The following TSPAN32 variants were observed in gnomAD, a reference collection of about 807,000 sequenced individuals.
The protein encoded by TSPAN32 is tetraspanin 32.
In TSPAN32, 47 loss-of-function variants were observed where a neutral mutation model predicts 42.7. The observed-to-expected ratio is 1.10, with a 90% CI of 0.87 to 1.40. The LOEUF is 1.40. Among genes scored for constraint, TSPAN32 ranks in the 40% most tolerant of loss-of-function variants. The pLI, the probability that TSPAN32 is intolerant of heterozygous loss-of-function variation, is 0.00. For missense variants in TSPAN32, 469 were observed against 424.1 expected (o/e 1.11, Z -0.93); for synonymous variants, 175 against 175.9 (o/e 0.99, Z 0.04).
chr11:2,313,669 C>A lies in TSPAN32; in HGVS notation c.370C>A (p.Leu124Met). Reference protein sequence around the residue: ...HSPTQVEDAMLDTYDLVYEQA... With the variant: ...HSPTQVEDAMMDTYDLVYEQA... ...CTCGGTGCAGGTGGAGGACGCCATG[C>A]TGGACACCTACGACCTGGTATATGA... is the stretch of plus-strand genomic sequence containing the variant. The change falls in exon 5 of 10, where the codon CTG becomes ATG. Residue 124 changes from leucine (L) to methionine (M), a missense_variant. Transcript: ENST00000182290. This position sits in a 1 kb window ranked among gnomAD's most constrained non-coding sequence, Gnocchi z 9.1. 1.9e-6 allele frequency: 3 copies of A among 1,607,026 alleles called. No individual in the cohort carries two copies. The highest frequency in any genetic ancestry group is 2.5e-6 in the Non-Finnish European group (3 of 1,177,374).
chr11:2,302,935 C>T lies in TSPAN32; in HGVS notation c.158C>T (p.Pro53Leu), dbSNP rs377338457. The T allele has an allele frequency of 2.3e-5, 37 of 1,613,594 alleles. No individual in the cohort carries two copies. Among genetic ancestry groups the T allele is most frequent in the East Asian group, 6.7e-5 (3 of 44,876 alleles). ...CGCCGAGCGTCCCTGGAGAAGAACC[C>T]GTACCAGGCTGTGCACCAATGGGGT... The part of the protein sequence containing the change: ...VIRRASLEKN[P>L]YQAVHQWAFS... Residue 53 changes from proline to leucine, a missense_variant, in exon 2 of 10, where the codon CCG (proline) becomes CTG (leucine). Transcript: ENST00000182290.
In TSPAN32 at chr11:2,313,306, G is replaced by C. The variant is rs528176585; in HGVS notation, c.355-348G>C. 6.6e-6 allele frequency among the ~76,000 whole-genome samples: 1 copy of C among 152,142 alleles called. No individual in the cohort carries two copies. The highest frequency in any genetic ancestry group is 2.4e-5 in the African/African-American group (1 of 41,432). On this transcript the variant is annotated intron_variant, in intron 4 of 9. Transcript: ENST00000182290. The surrounding 1 kb of genome is among the most constrained non-coding windows in gnomAD (Gnocchi z 9.1). ...AGGCCCAGCCCCATCCCCCATTTCC[G>C]GGTCAACAGTAGCGTGCTGGAAACT...
chr11:2,306,289 C>T (rs935277575), intron 3 of TSPAN32, among the ~76,000 whole-genome samples: 3 of 152,298 alleles, frequency 2.0e-5, no homozygotes, highest in South Asian at 2.1e-4. Flanking sequence ...TCCGGCCTCT[C>T]CCCTAGCTGG....
chr11:2,305,376 C>G (rs887686230), intron 3 of TSPAN32, among the ~76,000 whole-genome samples: 2 of 150,340 alleles, frequency 1.3e-5, no homozygotes, highest in Admixed American at 1.3e-4. Flanking sequence ...GTCTGCCCCC[C>G]CCCCCAGAGG....
chr11:2,317,743 C>A lies in TSPAN32; in HGVS notation c.902-120C>A. 1 of 1,523,362 alleles carries A rather than the reference C, an allele frequency of 6.6e-7. No homozygotes were observed. Among genetic ancestry groups the A allele is most frequent in the Non-Finnish European group, 8.7e-7 (1 of 1,143,888 alleles). The allele number at this position is 1,523,362 out of a possible 1,614,324, so 94.4% of individuals were successfully genotyped here. On this transcript the variant is annotated intron_variant, in intron 9 of 9. Transcript: ENST00000182290. The surrounding 1 kb of genome is among the most constrained non-coding windows in gnomAD (Gnocchi z 6.2). ...CAGCAGCCCAGGGCAGACTGCAAGA[C>A]ACTGGTGGCCCACGGCCTGGAGGGC...
At chr11:2,306,525 C>G (rs537397562) in intron 3 of TSPAN32, among the ~76,000 whole-genome samples, 1 of 150,288 alleles carries the variant, frequency 6.7e-6, no homozygotes, top group Non-Finnish European at 1.5e-5. Context: ...CCTCTCTGCG[C>G]GGGAGGTTGG....
At position 2,316,796 on chromosome 11, in the gene TSPAN32, G is replaced by A. The variant is rs111991784; in HGVS notation, c.719+129G>A. The A allele has an allele frequency of 1.5e-5, 15 of 1,030,162 alleles. 1 individual carries two copies. In the South Asian group the frequency reaches 1.6e-4, roughly 11 times the overall value. The allele number at this position is 1,030,162 out of a possible 1,614,324, so 63.8% of individuals were successfully genotyped here. A position where few individuals can be genotyped will look rare whatever the true frequency, so the allele number is the denominator to read the frequency against. ...CCCAGGCTGACACTGTAGAGGAAAC[G>A]CTTTGGGGGTGGCTGAGCACCAGGG... On this transcript the variant is annotated intron_variant, in intron 8 of 9. Transcript: ENST00000182290.
chr11:2,312,469 T>C (rs1487005061), intron 4 of TSPAN32, among the ~76,000 whole-genome samples: 1 of 152,184 alleles, frequency 6.6e-6, no homozygotes, highest in East Asian at 1.9e-4. Context: ...CGGGGATGAC[T>C]CACGGAGAGT....
At chr11:2,309,264 G>A in intron 4 of TSPAN32, 1 of 447,556 alleles carries the variant, frequency 2.2e-6, no homozygotes, top group South Asian at 1.6e-5. Context: ...CAGTGGGGAA[G>A]GGACCTGGAG....
chr11:2,302,212 C>T lies in TSPAN32; in HGVS notation c.63C>T (p.Ile21=). ...KCQMLVTCFF[I]LLLGLSVATM... ...AGATGCTGGTCACCTGCTTCTTTATCTTGGTAACAGGCAGGTCGGGCAGGA... is the reference window on the plus strand; with the variant it reads ...AGATGCTGGTCACCTGCTTCTTTATTTTGGTAACAGGCAGGTCGGGCAGGA... The change falls in exon 1 of 10, where the codon ATC becomes ATT. Residue 21 remains isoleucine (I), a synonymous_variant. Transcript: ENST00000182290. The T allele has an allele frequency of 7.2e-7, 1 of 1,391,862 alleles. No homozygotes were observed. Among genetic ancestry groups the T allele is most frequent in the Non-Finnish European group, 9.4e-7 (1 of 1,067,854 alleles). The allele number at this position is 1,391,862 out of a possible 1,614,324, so 86.2% of individuals were successfully genotyped here.
Position 2,313,748 on chromosome 11 carries a change from A to C in TSPAN32, c.449A>C (p.Gln150Pro), listed in dbSNP as rs1372927242. ...CGGCGGCAGGAGCTGGCGGCCATCC[A>C]GGACGTGGTGAGCGTGGGGACGGCT... ...HVRRQELAAIQDVFLCCGKKS... is the reference protein window; with the variant it reads ...HVRRQELAAIPDVFLCCGKKS... Residue 150 changes from glutamine to proline, a missense_variant, in exon 5 of 10, where the codon CAG (glutamine) becomes CCG (proline). Gln to Pro is a moderately conservative substitution (Grantham distance 76). Transcript: ENST00000182290. The surrounding 1 kb of genome is among the most constrained non-coding windows in gnomAD (Gnocchi z 9.1). 1 of 1,596,548 alleles carries C rather than the reference A, an allele frequency of 6.3e-7. No individual in the cohort carries two copies. Among genetic ancestry groups the C allele is most frequent in the Non-Finnish European group, 8.5e-7 (1 of 1,174,086 alleles).
At chr11:2,309,174 T>G (rs1589805546) in intron 4 of TSPAN32, 1 of 382,804 alleles carries the variant, frequency 2.6e-6, no homozygotes, top group Non-Finnish European at 5.3e-6. Flanking sequence ...GCCTTAGGGG[T>G]TGACTAGAAG....
Position 2,317,490 on chromosome 11 carries a change from C to T in TSPAN32, c.866C>T (p.Pro289Leu). ...LRWLQESDAA[P>L]LPLSCHLAAH... ...TGGCTGCAGGAGAGCGATGCTGCGC[C>T]TCTGCCCCTCTCCTGCCACCTGGCT... The change falls in exon 9 of 10, where the codon CCT becomes CTT. Residue 289 changes from proline (P) to leucine (L), a missense_variant. Transcript: ENST00000182290. The surrounding 1 kb of genome is among the most constrained non-coding windows in gnomAD (Gnocchi z 6.2). The T allele has an allele frequency of 6.3e-7, 1 of 1,592,856 alleles. No individual in the cohort carries two copies. Among genetic ancestry groups the T allele is most frequent in the Non-Finnish European group, 8.5e-7 (1 of 1,170,676 alleles).
At position 2,307,182 on chromosome 11, in the gene TSPAN32, C is replaced by T. The variant is rs376813935; in HGVS notation, c.280-1554C>T. Among the ~76,000 whole-genome samples, 127 of 152,246 alleles carry T rather than the reference C, an allele frequency of 8.3e-4. 3 individuals are homozygous for T. Among genetic ancestry groups the T allele is most frequent in the African/African-American group, 2.9e-3 (121 of 41,536 alleles). ...TGCAGGGCTGGAGGCCCCATGCTCACGCCTGTGCTTGGGGGCCAGCAGGGC... is the reference window on the plus strand; with the variant it reads ...TGCAGGGCTGGAGGCCCCATGCTCATGCCTGTGCTTGGGGGCCAGCAGGGC... On this transcript the variant is annotated intron_variant, in intron 3 of 9. Transcript: ENST00000182290.
In TSPAN32 at chr11:2,304,294, C is replaced by G; in HGVS notation, c.279+90C>G. On this transcript the variant is annotated intron_variant, in intron 3 of 9. Transcript: ENST00000182290. This position sits in a 1 kb window ranked among gnomAD's most constrained non-coding sequence, Gnocchi z 4.8. ...GGCAGGGCTGTGTGCCACCCCCACA[C>G]CTGAGTGACCAGGCAGAACCAGAGG... The G allele has an allele frequency of 1.1e-6, 1 of 947,986 alleles. No homozygotes were observed. Among genetic ancestry groups the G allele is most frequent in the Non-Finnish European group, 1.5e-6 (1 of 654,756 alleles). 58.7% of individuals were successfully genotyped at this position (947,986 alleles called of 1,614,324 possible).
intron 4 of TSPAN32, among the ~76,000 whole-genome samples, chr11:2,309,146 A>T (rs1468736974): frequency 6.6e-6 from 1 of 152,288 alleles, no homozygotes; most frequent in East Asian, 1.9e-4. Context: ...AGGAAGAAGA[A>T]GGAAAGCCAC....
At position 2,304,354 on chromosome 11, in the gene TSPAN32, C is replaced by T; in HGVS notation, c.279+150C>T. On this transcript the variant is annotated intron_variant, in intron 3 of 9. Coordinates refer to ENST00000182290, the MANE Select transcript of TSPAN32 (RefSeq NM_139022.3). The surrounding 1 kb of genome is among the most constrained non-coding windows in gnomAD (Gnocchi z 4.8). ...TGCTGGCCAGCCGAGACCCCCACGT[C>T]AACCCCACACCTGAGTATCTAGGCA... is the stretch of plus-strand genomic sequence containing the variant. 1 of 605,592 alleles carries T rather than the reference C, an allele frequency of 1.7e-6. No homozygotes were observed. Among genetic ancestry groups the T allele is most frequent in the Non-Finnish European group, 2.9e-6 (1 of 348,564 alleles). The allele number at this position is 605,592 out of a possible 1,614,324, so 37.5% of individuals were successfully genotyped here. A position where few individuals can be genotyped will look rare whatever the true frequency, so the allele number is the denominator to read the frequency against.
rs763904934 is a variant in TSPAN32 at position 2,302,107 on chromosome 11, G to T, written c.-43G>T. 2 of 1,483,832 alleles carry T rather than the reference G, an allele frequency of 1.3e-6. No homozygotes were observed. Among genetic ancestry groups the T allele is most frequent in the Non-Finnish European group, 1.8e-6 (2 of 1,118,308 alleles). The allele number at this position is 1,483,832 out of a possible 1,614,324, so 91.9% of individuals were successfully genotyped here. A position where few individuals can be genotyped will look rare whatever the true frequency, so the allele number is the denominator to read the frequency against. On this transcript the variant is annotated 5_prime_UTR_variant, in exon 1 of 10. In the 5' UTR this introduces an upstream ATG that the reference lacks. Coordinates refer to ENST00000182290, the MANE Select transcript of TSPAN32 (RefSeq NM_139022.3). ...GGCCCCTGCCCAGCTGGAAACCACA[G>T]GGAGGGGAAGGGAGGGGAGGAGAGG...
chr11:2,317,473 G>C lies in TSPAN32; in HGVS notation c.849G>C (p.Gln283His). The C allele has an allele frequency of 3.1e-6, 5 of 1,599,880 alleles. No homozygotes were observed. The highest frequency in any genetic ancestry group is 1.1e-5 in the South Asian group (1 of 88,916). ...GCTCGGGTAGTCTTCGGTGGCTGCA[G>C]GAGAGCGATGCTGCGCCTCTGCCCC... is the stretch of plus-strand genomic sequence containing the variant. ...RGCSGSLRWL[Q>H]ESDAAPLPLS... Residue 283 changes from glutamine to histidine, a missense_variant, in exon 9 of 10, where the codon CAG becomes CAC. Physicochemically the swap from Gln to His is conservative, Grantham distance 24. Transcript: ENST00000182290. This position sits in a 1 kb window ranked among gnomAD's most constrained non-coding sequence, Gnocchi z 6.2.
Sources: allele counts gnomAD v4.1 joint callset (sites outside exome capture counted in the v4.1 genomes callset), GRCh38; gene constraint gnomAD v4.1.1; non-coding constraint Gnocchi (gnomAD v3.1); transcripts MANE v1.5; gene names NCBI Gene and HGNC (gene_info 2026-07-23, HGNC 2026-07-21).